The following PPP2R2C variants were observed in gnomAD, a reference collection of about 807,000 sequenced individuals.
PPP2R2C encodes the protein protein phosphatase 2, regulatory subunit B, gamma.
PPP2R2C carries 10 observed loss-of-function variants against 45.3 expected under a neutral mutation model. That is an observed-to-expected ratio of 0.22 (90% CI 0.14 to 0.37). PPP2R2C has a LOEUF of 0.37. Ranked by LOEUF, PPP2R2C falls within the 10% of genes least tolerant of loss-of-function variation. The pLI is 1.00. For synonymous variants in PPP2R2C, 257 were observed against 245.4 expected, an observed-to-expected ratio of 1.05 and a Z score of -0.44; for missense variants, 308 against 619.7, an observed-to-expected ratio of 0.50 and a Z score of 5.34.
chr4:6,541,071 G>A (rs1386139388), intron 1 of PPP2R2C, among the ~76,000 whole-genome samples: 2 of 151,948 alleles, frequency 1.3e-5, no homozygotes, highest in African/African-American at 2.4e-5. Context: ...AAGAAAACAA[G>A]GGAAAGGGCA....
intron 4 of PPP2R2C, among the ~76,000 whole-genome samples, chr4:6,373,103 A>T (rs1490133984): frequency 2.6e-5 from 4 of 152,238 alleles, no homozygotes; most frequent in Non-Finnish European, 5.9e-5. Context: ...GTGCCCAGAC[A>T]TGGCCACATG....
intron 1 of PPP2R2C, among the ~76,000 whole-genome samples, chr4:6,451,513 C>A (rs1019302466): frequency 6.6e-6 from 1 of 151,932 alleles, no homozygotes; most frequent in Admixed American, 6.6e-5. Flanking sequence ...TGGCAGCCAG[C>A]GCGGGCTGGG....
chr4:6,506,659 C>T (rs1723245142), intron 2 of PPP2R2C, among the ~76,000 whole-genome samples: 1 of 152,232 alleles, frequency 6.6e-6, no homozygotes, highest in Non-Finnish European at 1.5e-5. Context: ...TAACAAACAG[C>T]CCCTTAAAAC....
At chr4:6,561,609 A>G (rs1725580218) in intron 1 of PPP2R2C, among the ~76,000 whole-genome samples, 1 of 152,138 alleles carries the variant, frequency 6.6e-6, no homozygotes, top group Non-Finnish European at 1.5e-5. Context: ...GGCTACACAC[A>G]CGGAGAGAGA....
rs148740259 is a variant in PPP2R2C, at chr4:6,457,960, G to A, written c.70+14200C>T. 1.2e-3 allele frequency among the ~76,000 whole-genome samples: 185 copies of A among 152,156 alleles called. 1 individual carries two copies. The highest frequency in any genetic ancestry group is 4.4e-3 in the African/African-American group (182 of 41,490). ...TTCCTTTAACGTTTTTCCCAGCCTC[G>A]CTTCCTCTGGGACATCTCCATGCTT... On this transcript the variant is annotated intron_variant, in intron 1 of 8. Transcript: ENST00000382599.
intron 1 of PPP2R2C, among the ~76,000 whole-genome samples, chr4:6,457,284 C>T (rs957669279): frequency 6.7e-6 from 1 of 150,082 alleles, no homozygotes; most frequent in Non-Finnish European, 1.5e-5. Flanking sequence ...GAGGAAATTA[C>T]AATTCTTCTG....
At position 6,332,932 on chromosome 4, in the gene PPP2R2C, C is replaced by A. The variant is rs1241160460; in HGVS notation, c.960+630G>T. Reference sequence around the variant, plus strand: ...GATCTCCCCACCTAACTGGAACCAGCTTTGAAGCCATCCCACATTTCTTTC... The same window carrying A: ...GATCTCCCCACCTAACTGGAACCAGATTTGAAGCCATCCCACATTTCTTTC... On this transcript the variant is annotated intron_variant, in intron 7 of 8. Coordinates refer to ENST00000382599, the MANE Select transcript of PPP2R2C (RefSeq NM_020416.4). The surrounding 1 kb of genome is among the most constrained non-coding windows in gnomAD (Gnocchi z 4.9). 6.6e-6 allele frequency among the ~76,000 whole-genome samples: 1 copy of A among 152,218 alleles called. No homozygotes were observed. The highest frequency in any genetic ancestry group is 2.4e-5 in the African/African-American group (1 of 41,464).
intron 2 of PPP2R2C, among the ~76,000 whole-genome samples, chr4:6,493,312 A>G (rs964304956): frequency 1.3e-5 from 2 of 151,592 alleles, no homozygotes; most frequent in South Asian, 2.1e-4. Context: ...TATCAGGACT[A>G]TTGTCTGTCT....
chr4:6,542,803 C>G (rs1460567331), intron 1 of PPP2R2C, among the ~76,000 whole-genome samples: 1 of 151,874 alleles, frequency 6.6e-6, no homozygotes, highest in Non-Finnish European at 1.5e-5. Flanking sequence ...CTAACACTGA[C>G]ACGAGAAGAA....
At chr4:6,511,546 A>G (rs796549019) in intron 2 of PPP2R2C, among the ~76,000 whole-genome samples, 673 of 4,332 alleles carry the variant, frequency 0.16, 68 homozygotes, top group African/African-American at 0.29. Context: ...GGTGGTGGTG[A>G]TGGTGGTGGT....
At position 6,537,673 on chromosome 4, in the gene PPP2R2C, T is replaced by C. The variant is rs537961054; in HGVS notation, c.-58-2296A>G. Among the ~76,000 whole-genome samples the C allele has an allele frequency of 7.1e-4, 107 of 151,766 alleles. 1 individual carries two copies. Among genetic ancestry groups the C allele is most frequent in the Admixed American group, 1.0e-3 (16 of 15,244 alleles). On this transcript the variant is annotated intron_variant, in intron 1 of 9. Transcript: ENST00000506140. ...TCACACCATTCTCCTGCCTCAGCCT[T>C]CCGAGTAGCTGGAACTACAGGTGCC... is the stretch of plus-strand genomic sequence containing the variant.
chr4:6,503,954 G>A (rs1338133248), intron 2 of PPP2R2C, among the ~76,000 whole-genome samples: 1 of 152,216 alleles, frequency 6.6e-6, no homozygotes, highest in Admixed American at 6.5e-5. Context: ...TCAAAAGCAG[G>A]TGGGTACTGG....
intron 5 of PPP2R2C, among the ~76,000 whole-genome samples, chr4:6,358,816 A>C (rs1713467938): frequency 6.6e-6 from 1 of 152,244 alleles, no homozygotes; most frequent in South Asian, 2.1e-4. Flanking sequence ...AACCAGCTAC[A>C]ATGGCGATCA....
intron 2 of PPP2R2C, among the ~76,000 whole-genome samples, chr4:6,477,745 A>AC (rs1372694762): frequency 5.3e-5 from 8 of 151,190 alleles, no homozygotes; most frequent in Non-Finnish European, 1.0e-4. Flanking sequence ...AAAAAAAAAA[A>AC]AAAAAAAACT....
chr4:6,358,280 C>G (rs1713400953), intron 5 of PPP2R2C, among the ~76,000 whole-genome samples: 1 of 152,092 alleles, frequency 6.6e-6, no homozygotes, highest in African/African-American at 2.4e-5. Context: ...ACCAGCTAGC[C>G]ATATGTAGAA....
intron 2 of PPP2R2C, among the ~76,000 whole-genome samples, chr4:6,492,595 A>G (rs1722730866): frequency 6.6e-6 from 1 of 152,108 alleles, no homozygotes; most frequent in Admixed American, 6.5e-5. Context: ...TTTTTTAGAG[A>G]TCAGTTCTGG....
rs531485133 is a variant in PPP2R2C at position 6,559,305 on chromosome 4, T to A, written c.-59+4255A>T. 6.6e-5 allele frequency among the ~76,000 whole-genome samples: 10 copies of A among 151,968 alleles called. No homozygotes were observed. In the South Asian group the frequency reaches 1.9e-3, roughly 28 times the overall value. On this transcript the variant is annotated intron_variant, in intron 1 of 9. Transcript: ENST00000506140. ...ACACCCTCACAAGTTGACTTGAGGA[T>A]AAGTGAGATAGAGTGTATAGTGCAT...
chr4:6,382,848 G>A (rs1715948841), intron 1 of PPP2R2C: 1 of 1,126,972 alleles, frequency 8.9e-7, no homozygotes, highest in Non-Finnish European at 1.1e-6. Flanking sequence ...TGGCAGCAGA[G>A]AGGCTGGTAA....
At chr4:6,391,352 G>A (rs1268674437) in intron 1 of PPP2R2C, among the ~76,000 whole-genome samples, 2 of 150,668 alleles carry the variant, frequency 1.3e-5, no homozygotes, top group African/African-American at 4.9e-5. Context: ...GAGGGAGGAG[G>A]CTGGGACGAG....
Sources: gnomAD v4.1 joint callset for allele counts (sites outside exome capture counted in the v4.1 genomes callset) on GRCh38, gnomAD v4.1.1 for gene constraint, Gnocchi (gnomAD v3.1) non-coding constraint, MANE v1.5 for transcripts, NCBI Gene and HGNC (gene_info 2026-07-23, HGNC 2026-07-21) for gene names.